Variants in CENPF observed in about 807,000 individuals in gnomAD.
CENPF encodes the protein centromere protein F.
CENPF carries 214 observed loss-of-function variants against 307.3 expected under a neutral mutation model. The ratio of observed to expected loss-of-function variants is 0.70; its 90% CI spans 0.62 to 0.78. The LOEUF is 0.78. CENPF is among the 30% of genes least tolerant of loss of function. The probability of loss-of-function intolerance (pLI) is 0.00; values close to 1 mark genes in which losing one functional copy is unlikely to be tolerated. For synonymous variants in CENPF, 1,259 were observed against 1,270.6 expected (o/e 0.99, Z 0.19); for missense variants, 3,401 against 3,483.9 (o/e 0.98, Z 0.60).
At chr1:214,650,861 G>T (rs556680094) in intron 14 of CENPF, among the ~76,000 whole-genome samples, 83 of 152,126 alleles carry the variant, frequency 5.5e-4, no homozygotes, top group Non-Finnish European at 9.7e-4. Context: ...ACTCCAGCCT[G>T]GGCAACATAG....
rs780836712 is a variant in CENPF at position 214,646,676 on chromosome 1, T to C, written c.7106T>C (p.Leu2369Pro). ...AENSKGEVET[L>P]KAKIEGMTQS... is the part of the protein sequence containing the mutation. Reference sequence around the variant, plus strand: ...AATTCCAAAGGAGAGGTAGAGACCCTAAAAGCAAAAATAGAAGGGATGACC... The same window carrying C: ...AATTCCAAAGGAGAGGTAGAGACCCCAAAAGCAAAAATAGAAGGGATGACC... The change falls in exon 13 of 20, where the codon CTA (leucine) becomes CCA (proline). Residue 2369 changes from leucine (L) to proline (P), a missense_variant. Leu to Pro is a moderately conservative substitution (Grantham distance 98). Transcript: ENST00000366955. 3.4e-5 allele frequency: 55 copies of C among 1,613,610 alleles called. No homozygotes were observed. Among genetic ancestry groups the C allele is most frequent in the Non-Finnish European group, 4.4e-5 (52 of 1,179,946 alleles).
At chr1:214,623,831 A>G (rs1023213048) in intron 7 of CENPF, among the ~76,000 whole-genome samples, 3 of 152,204 alleles carry the variant, frequency 2.0e-5, no homozygotes, top group Non-Finnish European at 1.5e-5. Flanking sequence ...TAACAAAAAT[A>G]AAGTAACATA....
intron 11 of CENPF, 62 bp downstream of exon 11, chr1:214,638,063 G>C: frequency 1.4e-6 from 2 of 1,475,910 alleles, no homozygotes; most frequent in Non-Finnish European, 1.8e-6. Flanking sequence ...AGAGGGGATG[G>C]ATGGCATTAA....
At chr1:214,612,062 G>C (rs1267708237) in intron 1 of CENPF, among the ~76,000 whole-genome samples, 2 of 152,144 alleles carry the variant, frequency 1.3e-5, no homozygotes, top group Admixed American at 6.6e-5. Flanking sequence ...AGTTTTCAAG[G>C]GGGGAATGCT....
intron 1 of CENPF, among the ~76,000 whole-genome samples, chr1:214,607,661 A>G (rs1304751619): frequency 6.6e-6 from 1 of 152,164 alleles, no homozygotes; most frequent in Non-Finnish European, 1.5e-5. Context: ...GCGAGCAGGA[A>G]AGGTCACCAG....
chr1:214,609,200 C>T (rs1306834846), intron 1 of CENPF, among the ~76,000 whole-genome samples: 2 of 152,186 alleles, frequency 1.3e-5, no homozygotes, highest in Non-Finnish European at 2.9e-5. Context: ...CCGCAGCTCC[C>T]CCCGAAGAAT....
At chr1:214,605,234 A>G (rs1656990267) in intron 1 of CENPF, among the ~76,000 whole-genome samples, 1 of 152,236 alleles carries the variant, frequency 6.6e-6, no homozygotes, top group Non-Finnish European at 1.5e-5. Flanking sequence ...AGGCTGAAAT[A>G]TACAAGTGAA....
intron 18 of CENPF, among the ~76,000 whole-genome samples, chr1:214,658,171 A>G (rs548871817): frequency 7.6e-6 from 1 of 132,130 alleles, no homozygotes; most frequent in Non-Finnish European, 1.6e-5. Context: ...TAATTTTTAT[A>G]TGTAGTTAAA....
chr1:214,656,607 A>G (rs1658638678), intron 17 of CENPF, among the ~76,000 whole-genome samples: 1 of 152,178 alleles, frequency 6.6e-6, no homozygotes, highest in Non-Finnish European at 1.5e-5. Flanking sequence ...GAAAATAAGG[A>G]TGTAAAAAAA....
At chr1:214,663,536 A>G in intron 19 of CENPF, 55 bp from the exon 20 acceptor site, 1 of 1,542,422 alleles carries the variant, frequency 6.5e-7, no homozygotes, top group African/African-American at 1.4e-5. Flanking sequence ...TTTATTTTTC[A>G]TGTTGTGGAA....
chr1:214,604,381 C>A (rs1445389744), intron 1 of CENPF, among the ~76,000 whole-genome samples: 1 of 152,156 alleles, frequency 6.6e-6, no homozygotes, highest in Non-Finnish European at 1.5e-5. Flanking sequence ...CAAAAGTAAA[C>A]TTCTGGGTTT....
chr1:214,625,368 C>T (rs1479843163), intron 7 of CENPF, among the ~76,000 whole-genome samples: 1 of 151,966 alleles, frequency 6.6e-6, no homozygotes, highest in Non-Finnish European at 1.5e-5. Flanking sequence ...CTACAGGCAC[C>T]CACGACCATG....
chr1:214,657,696 TC>T (rs1200414437), intron 18 of CENPF, among the ~76,000 whole-genome samples: 2 of 152,184 alleles, frequency 1.3e-5, no homozygotes, highest in Non-Finnish European at 2.9e-5. Flanking sequence ...AATTAAGGAC[TC>T]CCGTCAGCGT....
intron 1 of CENPF, chr1:214,603,632 G>T (rs1656947044): frequency 6.6e-6 from 1 of 152,260 alleles, no homozygotes. Context: ...CTCCGTAAAA[G>T]AATTGGAGAT....
intron 7 of CENPF, among the ~76,000 whole-genome samples, chr1:214,625,581 A>G (rs1657631514): frequency 6.6e-6 from 1 of 152,044 alleles, no homozygotes. Context: ...GATTATTGAT[A>G]TATTGTGACC....
intron 5 of CENPF, among the ~76,000 whole-genome samples, chr1:214,619,973 T>C (rs1261025867): frequency 1.3e-5 from 2 of 152,160 alleles, no homozygotes; most frequent in Non-Finnish European, 2.9e-5. Context: ...ATTCTTCTCT[T>C]GACATTGATT....
intron 11 of CENPF, among the ~76,000 whole-genome samples, chr1:214,639,169 A>G (rs1162302857): frequency 2.0e-5 from 3 of 152,256 alleles, no homozygotes; most frequent in African/African-American, 7.2e-5. Context: ...CTTGAGCAAC[A>G]TGAAGCCTTC....
Position 214,657,177 on chromosome 1 carries a change from A to G in CENPF, c.8730A>G (p.Pro2910=). The G allele has an allele frequency of 6.2e-7, 1 of 1,614,210 alleles. No individual in the cohort carries two copies. Among genetic ancestry groups the G allele is most frequent in the Non-Finnish European group, 8.5e-7 (1 of 1,180,024 alleles). Residue 2910 remains proline, a synonymous_variant, in exon 18 of 20, where the codon CCA becomes CCG. Transcript: ENST00000366955. ...TGCTAGGTCCAGTTGTTCCAGGACC[A>G]TCTCCAATCCCTTCTGTTACTGAAA... ...SPLLGPVVPG[P]SPIPSVTEKR...
chr1:214,603,831 T>C (rs1656953287), intron 1 of CENPF, among the ~76,000 whole-genome samples: 1 of 151,990 alleles, frequency 6.6e-6, no homozygotes, highest in African/African-American at 2.4e-5. Flanking sequence ...ACATTTTTTT[T>C]TTTCTTTTTT....
Sources: gnomAD v4.1 joint callset for allele counts (sites outside exome capture counted in the v4.1 genomes callset) on GRCh38, gnomAD v4.1.1 for gene constraint, MANE v1.5 for transcripts, NCBI Gene and HGNC (gene_info 2026-07-23, HGNC 2026-07-21) for gene names.